TMEM184B: variants seen among roughly 807,000 people sequenced by gnomAD.
TMEM184B encodes the protein transmembrane protein 184B.
Under a neutral mutation model 41.8 loss-of-function variants are expected in TMEM184B, and 17 were observed. That is an observed-to-expected ratio of 0.41 (90% CI 0.28 to 0.61). TMEM184B has a LOEUF of 0.61. Among genes scored for constraint, TMEM184B ranks in the 20% least tolerant of loss-of-function variants. TMEM184B has a pLI of 0.34. For synonymous variants in TMEM184B, 240 were observed against 229.5 expected (o/e 1.05, Z -0.41); for missense variants, 393 against 557.8 (o/e 0.70, Z 2.98).
chr22:38,259,147 C>T (rs1470514785), intron 1 of TMEM184B, among the ~76,000 whole-genome samples: 1 of 152,192 alleles, frequency 6.6e-6, no homozygotes, highest in Non-Finnish European at 1.5e-5. Flanking sequence ...CTGAACTTGG[C>T]CACCTGCCTT....
Position 38,231,240 on chromosome 22 carries a change from T to C in TMEM184B, c.449+4A>G. 12 of 1,613,490 alleles carry C rather than the reference T, an allele frequency of 7.4e-6. No homozygotes were observed. Among genetic ancestry groups the C allele is most frequent in the Non-Finnish European group, 1.0e-5 (12 of 1,179,436 alleles). On this transcript the variant is annotated splice_donor_region_variant and intron_variant, in intron 4 of 8. Coordinates refer to ENST00000361906, the MANE Select transcript of TMEM184B (RefSeq NM_012264.5). The stretch of plus-strand genomic sequence containing the variant: ...TTAGGGCTCTGGGAAGACTCCATAC[T>C]CACTCAATGGGTTTTCCTCTGATCT...
intron 3 of TMEM184B, among the ~76,000 whole-genome samples, chr22:38,234,365 C>T (rs1037078055): frequency 6.6e-6 from 1 of 152,188 alleles, no homozygotes; most frequent in East Asian, 1.9e-4. Context: ...CAGCCAGCAT[C>T]AACTGCCAGG....
At chr22:38,271,458 G>A (rs1175747306) in intron 1 of TMEM184B, among the ~76,000 whole-genome samples, 1 of 152,208 alleles carries the variant, frequency 6.6e-6, no homozygotes, top group Non-Finnish European at 1.5e-5. Flanking sequence ...TCACACAGCT[G>A]CTGTGCAAAT....
At chr22:38,236,753 G>C (rs12171079) in intron 3 of TMEM184B, among the ~76,000 whole-genome samples, 1 of 152,180 alleles carries the variant, frequency 6.6e-6, no homozygotes, top group Non-Finnish European at 1.5e-5. Flanking sequence ...GCCTCCCAAA[G>C]TGCTGGGATT....
At chr22:38,256,979 T>TTGTTTTTTTG (rs1157484501) in intron 1 of TMEM184B, among the ~76,000 whole-genome samples, 2 of 144,944 alleles carry the variant, frequency 1.4e-5, no homozygotes, top group African/African-American at 5.1e-5. Context: ...CATTAATAGT[T>TTGTTTTTTTG]TTTTTTTTTT....
chr22:38,260,612 C>G (rs973422285), intron 1 of TMEM184B, among the ~76,000 whole-genome samples: 2 of 152,120 alleles, frequency 1.3e-5, no homozygotes, highest in African/African-American at 4.8e-5. Context: ...CCTTAGCTTC[C>G]TCATCTATAA....
rs1490963953 is a variant in TMEM184B at position 38,225,753 on chromosome 22, CAG to C, written c.618-162_618-161del. On this transcript the variant is annotated intron_variant, in intron 6 of 8. Transcript: ENST00000361906. The surrounding 1 kb of genome is among the most constrained non-coding windows in gnomAD (Gnocchi z 4.4). ...CAGAATGGGTGATCAAAGCGACAGACAGGGGTGGGGGTACATGGGGTGCGCCT... is the reference window on the plus strand; with the variant it reads ...CAGAATGGGTGATCAAAGCGACAGACGGGTGGGGGTACATGGGGTGCGCCT... Among the ~76,000 whole-genome samples the C allele has an allele frequency of 6.6e-6, 1 of 152,174 alleles. No homozygotes were observed. The highest frequency in any genetic ancestry group is 1.5e-5 in the Non-Finnish European group (1 of 68,030).
At chr22:38,251,901 T>G (rs1038662327) in intron 1 of TMEM184B, among the ~76,000 whole-genome samples, 20 of 151,664 alleles carry the variant, frequency 1.3e-4, no homozygotes, top group Non-Finnish European at 2.6e-4. Flanking sequence ...ATGCTGTTTT[T>G]TTTTTTTTTT....
downstream of TMEM184B, chr22:38,219,285 C>G (rs776024616): frequency 5.2e-4 from 513 of 985,560 alleles, no homozygotes; most frequent in Non-Finnish European, 6.0e-4. Flanking sequence ...ACCTCACCCA[C>G]AGGCAGAGAT....
intron 8 of TMEM184B, among the ~76,000 whole-genome samples, 175 bp downstream of exon 8, chr22:38,224,610 G>A (rs1269547120): frequency 2.0e-5 from 3 of 152,284 alleles, no homozygotes; most frequent in East Asian, 1.9e-4. Flanking sequence ...CGAATCGGTC[G>A]TGCTGGTGGC....
At position 38,221,927 on chromosome 22, in the gene TMEM184B, G is replaced by A. The variant is rs889865248; in HGVS notation, c.983-217C>T. The A allele has an allele frequency of 6.0e-6, 4 of 664,934 alleles. No individual in the cohort carries two copies. The Admixed American group carries it at 9.0e-5, about 15-fold the overall frequency. The allele number at this position is 664,934 out of a possible 1,614,324, so 41.2% of individuals were successfully genotyped here. A position where few individuals can be genotyped will look rare whatever the true frequency, so the allele number is the denominator to read the frequency against. ...GGGAGCCCCAAGGGGAGGCTGGACTGTGAAGAGGAGCAGACATAAACCCCC... is the reference window on the plus strand; with the variant it reads ...GGGAGCCCCAAGGGGAGGCTGGACTATGAAGAGGAGCAGACATAAACCCCC... On this transcript the variant is annotated intron_variant, in intron 8 of 8. Coordinates refer to ENST00000361906, the MANE Select transcript of TMEM184B (RefSeq NM_012264.5).
intron 8 of TMEM184B, 125 bp downstream of exon 8, chr22:38,224,660 A>G: frequency 1.1e-6 from 1 of 945,164 alleles, no homozygotes; most frequent in Non-Finnish European, 1.5e-6. Context: ...ATTCCTGCAT[A>G]TAGAGTGGGG....
intron 3 of TMEM184B, among the ~76,000 whole-genome samples, chr22:38,245,430 G>C (rs2092002898): frequency 6.8e-6 from 1 of 147,128 alleles, no homozygotes; most frequent in South Asian, 2.2e-4. Flanking sequence ...GAGGGCCCTT[G>C]CTTCCAGGTA....
intron 1 of TMEM184B, among the ~76,000 whole-genome samples, chr22:38,257,905 T>A (rs1484942604): frequency 6.6e-6 from 1 of 152,202 alleles, no homozygotes; most frequent in Non-Finnish European, 1.5e-5. Flanking sequence ...GCTGCTGCTA[T>A]TCCCCTCTCC....
chr22:38,253,479 G>C (rs1289174635), intron 1 of TMEM184B, among the ~76,000 whole-genome samples: 1 of 152,108 alleles, frequency 6.6e-6, no homozygotes, highest in East Asian at 1.9e-4. Context: ...GCTGAGGCGG[G>C]AGAATCACTT....
intron 1 of TMEM184B, among the ~76,000 whole-genome samples, chr22:38,260,935 C>G (rs770762260): frequency 6.6e-6 from 1 of 152,226 alleles, no homozygotes; most frequent in Non-Finnish European, 1.5e-5. Context: ...AACTGGCAAC[C>G]CGTTCACATA....
At chr22:38,245,892 CCCAGCCCCCCG>C in intron 3 of TMEM184B, 32 bp downstream of exon 3, 2 of 1,157,614 alleles carry the variant, frequency 1.7e-6, no homozygotes, top group Non-Finnish European at 2.5e-6. Flanking sequence ...CTCCCAGCCC[CCCAGCCCCCCG>C]CCAGCCCTCC....
At chr22:38,246,944 AAAT>A in intron 2 of TMEM184B, 1 of 1,183,414 alleles carries the variant, frequency 8.5e-7, no homozygotes, top group South Asian at 1.3e-5. Flanking sequence ...CCTTGGACGC[AAAT>A]GGGTTCTAAA....
At chr22:38,237,801 CTTT>C (rs563345165) in intron 3 of TMEM184B, among the ~76,000 whole-genome samples, 12 of 139,486 alleles carry the variant, frequency 8.6e-5, no homozygotes, top group Admixed American at 1.5e-4. Flanking sequence ...TCCCTACTGT[CTTT>C]TTTTTTTTTT....
Sources: allele counts gnomAD v4.1 joint callset (sites outside exome capture counted in the v4.1 genomes callset), GRCh38; gene constraint gnomAD v4.1.1; non-coding constraint Gnocchi (gnomAD v3.1); transcripts MANE v1.5; gene names NCBI Gene and HGNC (gene_info 2026-07-23, HGNC 2026-07-21).